Variants in FAM107B observed in about 807,000 individuals in gnomAD.
FAM107B encodes the protein protein FAM107B.
FAM107B carries 21 observed loss-of-function variants against 31.5 expected under a neutral mutation model. The observed-to-expected ratio is 0.67, with a 90% CI of 0.47 to 0.96. FAM107B has a LOEUF of 0.96. FAM107B is among the 40% of genes least tolerant of loss of function. The pLI, the probability that FAM107B is intolerant of heterozygous loss-of-function variation, is 0.00. For synonymous variants in FAM107B, 157 were observed against 141.5 expected (o/e 1.11, Z -0.78); for missense variants, 452 against 377.1 (o/e 1.20, Z -1.64).
intron 2 of FAM107B, among the ~76,000 whole-genome samples, chr10:14,567,880 T>A (rs563071893): frequency 1.3e-5 from 2 of 152,268 alleles, no homozygotes; most frequent in African/African-American, 4.8e-5. Context: ...GTTTGAGCAC[T>A]GAAAGTCCTG....
At chr10:14,745,232 AT>A (rs1327355950) in intron 1 of FAM107B, among the ~76,000 whole-genome samples, 1 of 149,258 alleles carries the variant, frequency 6.7e-6, no homozygotes, top group African/African-American at 2.5e-5. Flanking sequence ...CTATTTCATT[AT>A]TTTTTTTCAA....
chr10:14,586,206 A>G (rs1053656439), intron 2 of FAM107B, among the ~76,000 whole-genome samples: 2 of 151,832 alleles, frequency 1.3e-5, no homozygotes, highest in African/African-American at 4.8e-5. Flanking sequence ...TCTACAACTC[A>G]CATCCTCCTT....
At chr10:14,740,703 G>C (rs1156838234) in intron 1 of FAM107B, among the ~76,000 whole-genome samples, 1 of 152,022 alleles carries the variant, frequency 6.6e-6, no homozygotes, top group African/African-American at 2.4e-5. Flanking sequence ...CACAGGGAGG[G>C]GACAGTAAGA....
chr10:14,666,389 C>T (rs1854404084), intron 2 of FAM107B, among the ~76,000 whole-genome samples: 4 of 152,046 alleles, frequency 2.6e-5, no homozygotes, highest in South Asian at 2.1e-4. Flanking sequence ...CTTATAAAAC[C>T]ATCAGATCTC....
At chr10:14,650,622 C>T (rs1853874626) in intron 2 of FAM107B, among the ~76,000 whole-genome samples, 2 of 152,218 alleles carry the variant, frequency 1.3e-5, no homozygotes, top group African/African-American at 2.4e-5. Flanking sequence ...ATACTTATTG[C>T]TTACGTATTG....
At chr10:14,750,152 T>C (rs765971650) in intron 1 of FAM107B, among the ~76,000 whole-genome samples, 5 of 152,182 alleles carry the variant, frequency 3.3e-5, no homozygotes, top group Admixed American at 6.5e-5. Context: ...GGCTTTCTTA[T>C]GGAAGAAGAA....
intron 1 of FAM107B, among the ~76,000 whole-genome samples, chr10:14,757,650 G>C (rs624581): frequency 6.6e-6 from 1 of 152,192 alleles, no homozygotes; most frequent in Non-Finnish European, 1.5e-5. Context: ...GTGTGAATGA[G>C]ACCTTAAGGC....
chr10:14,629,394 ATATATT>A (rs1470900555), intron 2 of FAM107B, among the ~76,000 whole-genome samples: 1 of 45,970 alleles, frequency 2.2e-5, no homozygotes, highest in Admixed American at 3.8e-4. Flanking sequence ...TATATATAAT[ATATATT>A]ATATATTTAA....
chr10:14,755,504 AAAAAAAG>A (rs1342344143), intron 1 of FAM107B, among the ~76,000 whole-genome samples: 28 of 151,902 alleles, frequency 1.8e-4, no homozygotes, highest in African/African-American at 6.5e-4. Flanking sequence ...CTCAAAAAAA[AAAAAAAG>A]AAAAAAGAAA....
intron 2 of FAM107B, among the ~76,000 whole-genome samples, chr10:14,563,766 C>G (rs1320113786): frequency 1.3e-5 from 2 of 152,148 alleles, no homozygotes; most frequent in African/African-American, 2.4e-5. Flanking sequence ...GCATACATGA[C>G]CCCCAAAACA....
rs1845371201 is a variant in FAM107B, at chr10:14,518,890, A to G, written c.*2300T>C. On this transcript the variant is annotated 3_prime_UTR_variant, in exon 5 of 5. Coordinates refer to ENST00000181796, the MANE Select transcript of FAM107B (RefSeq NM_031453.4). Reference sequence around the variant, plus strand: ...TTGTCAAAAAGTGGCTCAAAGCACAAAACTGCTCAGATGTTCAAGAGTCCT... The same window carrying G: ...TTGTCAAAAAGTGGCTCAAAGCACAGAACTGCTCAGATGTTCAAGAGTCCT... The G allele has an allele frequency of 6.6e-6, 1 of 152,612 alleles. No homozygotes were observed. Among genetic ancestry groups the G allele is most frequent in the African/African-American group, 2.4e-5 (1 of 41,446 alleles). The allele number at this position is 152,612 out of a possible 1,614,324, so 9.5% of individuals were successfully genotyped here. A position where few individuals can be genotyped will look rare whatever the true frequency, so the allele number is the denominator to read the frequency against.
chr10:14,685,019 T>TG (rs1854943659), intron 1 of FAM107B, among the ~76,000 whole-genome samples: 1 of 152,084 alleles, frequency 6.6e-6, no homozygotes, highest in South Asian at 2.1e-4. Flanking sequence ...TTTGTAGACA[T>TG]GGGGTCTCCC....
At chr10:14,549,492 A>G (rs189208640) in intron 2 of FAM107B, among the ~76,000 whole-genome samples, 21 of 152,344 alleles carry the variant, frequency 1.4e-4, no homozygotes, top group African/African-American at 4.8e-4. Context: ...CTTTGGCAAA[A>G]GTTTAAATGT....
chr10:14,547,172 C>T (rs1339537916), intron 2 of FAM107B, among the ~76,000 whole-genome samples: 1 of 152,178 alleles, frequency 6.6e-6, no homozygotes, highest in Non-Finnish European at 1.5e-5. Flanking sequence ...GCAAGCTAAA[C>T]GAAGCCAACT....
intron 2 of FAM107B, chr10:14,612,689 T>C (rs916939398): frequency 6.6e-6 from 1 of 152,168 alleles, no homozygotes; most frequent in Admixed American, 6.5e-5. Context: ...AATACAAAGA[T>C]ATGATAGAAC....
intron 2 of FAM107B, among the ~76,000 whole-genome samples, chr10:14,639,263 C>T (rs534310198): frequency 1.3e-5 from 2 of 152,264 alleles, no homozygotes; most frequent in East Asian, 3.9e-4. Flanking sequence ...CTCCAGGCAG[C>T]TTTCTCTGAC....
At chr10:14,684,933 A>G (rs1251170001) in intron 1 of FAM107B, among the ~76,000 whole-genome samples, 3 of 151,494 alleles carry the variant, frequency 2.0e-5, no homozygotes, top group African/African-American at 7.3e-5. Context: ...TGATCCTCCC[A>G]TCTCAACCTT....
intron 1 of FAM107B, among the ~76,000 whole-genome samples, chr10:14,691,003 T>G (rs937981813): frequency 6.6e-6 from 1 of 152,184 alleles, no homozygotes; most frequent in African/African-American, 2.4e-5. Flanking sequence ...CTGGGTTGTA[T>G]GACACGGTCT....
chr10:14,580,177 G>A (rs1851589443), intron 2 of FAM107B, among the ~76,000 whole-genome samples: 1 of 152,022 alleles, frequency 6.6e-6, no homozygotes, highest in Non-Finnish European at 1.5e-5. Flanking sequence ...GGCTAATATG[G>A]TGAAACCCTG....
Sources: allele counts gnomAD v4.1 joint callset (sites outside exome capture counted in the v4.1 genomes callset), GRCh38; gene constraint gnomAD v4.1.1; transcripts MANE v1.5; gene names NCBI Gene and HGNC (gene_info 2026-07-23, HGNC 2026-07-21).